The following CCBE1 variants were observed in gnomAD, a reference collection of about 807,000 sequenced individuals.
CCBE1 encodes collagen and calcium-binding EGF domain-containing protein 1.
Under a neutral mutation model 50.0 loss-of-function variants are expected in CCBE1, and 37 were observed. That is an observed-to-expected ratio of 0.74 (90% CI 0.57 to 0.97). The LOEUF is 0.97. Among genes scored for constraint, CCBE1 ranks in the 50% least tolerant of loss-of-function variants. CCBE1 has a pLI of 0.00. For missense variants in CCBE1, 538 were observed against 523.8 expected, an observed-to-expected ratio of 1.03 and a Z score of -0.26; for synonymous variants, 234 against 203.7, an observed-to-expected ratio of 1.15 and a Z score of -1.27.
chr18:59,455,356 G>C (rs1911141760), intron 5 of CCBE1: 1 of 343,380 alleles, frequency 2.9e-6, no homozygotes, highest in South Asian at 2.3e-5. Context: ...GCAGGCACTG[G>C]GCCTCAAAGC....
chr18:59,518,902 C>T (rs1365412310), intron 2 of CCBE1, among the ~76,000 whole-genome samples: 1 of 152,156 alleles, frequency 6.6e-6, no homozygotes, highest in Admixed American at 6.5e-5. Flanking sequence ...ACTGACAGCT[C>T]CCTTGCCCCA....
intron 2 of CCBE1, among the ~76,000 whole-genome samples, chr18:59,649,723 C>G (rs550964612): frequency 6.6e-6 from 1 of 152,350 alleles, no homozygotes; most frequent in Admixed American, 6.5e-5. Context: ...AACCTATGCC[C>G]TTTTCATTCC....
At chr18:59,464,442 A>G (rs1215507001) in intron 5 of CCBE1, among the ~76,000 whole-genome samples, 1 of 152,192 alleles carries the variant, frequency 6.6e-6, no homozygotes, top group Non-Finnish European at 1.5e-5. Flanking sequence ...TCTCAAAAAC[A>G]AAACAAAACA....
chr18:59,516,739 T>C (rs1459168545), intron 2 of CCBE1, among the ~76,000 whole-genome samples: 1 of 152,170 alleles, frequency 6.6e-6, no homozygotes, highest in Non-Finnish European at 1.5e-5. Context: ...GACTTCAGAC[T>C]CTTGGAAGGC....
chr18:59,564,159 C>T (rs1184791677), intron 2 of CCBE1: 1 of 152,196 alleles, frequency 6.6e-6, no homozygotes, highest in African/African-American at 2.4e-5. Flanking sequence ...CCTCTTAACT[C>T]TAAAACTTTC....
intron 2 of CCBE1, among the ~76,000 whole-genome samples, chr18:59,650,010 G>A (rs1204611579): frequency 6.6e-6 from 1 of 152,020 alleles, no homozygotes; most frequent in East Asian, 1.9e-4. Flanking sequence ...TTGGGGGTGG[G>A]GGAGCACAGG....
chr18:59,492,007 T>C (rs1216086669), intron 2 of CCBE1, among the ~76,000 whole-genome samples: 2 of 151,752 alleles, frequency 1.3e-5, no homozygotes, highest in Non-Finnish European at 2.9e-5. Flanking sequence ...TAGCCAGGTA[T>C]GGTGGCATGT....
At chr18:59,673,927 G>C (rs2144715403) in intron 2 of CCBE1, among the ~76,000 whole-genome samples, 1 of 152,246 alleles carries the variant, frequency 6.6e-6, no homozygotes, top group Middle Eastern at 3.4e-3. Context: ...TCTCTGCCAG[G>C]TTTTGGTATC....
rs769574856 is a variant in CCBE1, at chr18:59,438,146, C to T, written c.952G>A (p.Gly318Arg). The change falls in exon 10 of 11, where the codon GGG becomes AGG. Residue 318 changes from glycine to arginine, a missense_variant and splice_region_variant. Physicochemically the swap from Gly to Arg is moderately radical, Grantham distance 125 (BLOSUM62 -2). Coordinates refer to ENST00000439986, the MANE Select transcript of CCBE1 (RefSeq NM_133459.4). ...CTGGGCCCAGGCGCTCCTCTCTCCC[C>T]CTAAAAACAGAAAGGCCAGGGTTAG... ...PGAPGRDGSK[G>R]ERGAPGPRGS... 6.2e-6 allele frequency: 10 copies of T among 1,614,090 alleles called. No homozygotes were observed. Among genetic ancestry groups the T allele is most frequent in the Non-Finnish European group, 8.5e-6 (10 of 1,179,998 alleles).
intron 2 of CCBE1, among the ~76,000 whole-genome samples, chr18:59,596,011 C>A (rs1051960374): frequency 6.6e-6 from 1 of 152,210 alleles, no homozygotes; most frequent in African/African-American, 2.4e-5. Context: ...ACAAGGTGCT[C>A]CACATGGTAG....
At chr18:59,570,219 G>GA (rs1190010699) in intron 2 of CCBE1, among the ~76,000 whole-genome samples, 3 of 152,162 alleles carry the variant, frequency 2.0e-5, no homozygotes, top group African/African-American at 7.2e-5. Context: ...AATTAAGTAG[G>GA]AAGCTGCACA....
chr18:59,620,730 A>G (rs549366992), intron 2 of CCBE1, among the ~76,000 whole-genome samples: 2 of 152,256 alleles, frequency 1.3e-5, no homozygotes, highest in African/African-American at 4.8e-5. Flanking sequence ...GCCATATAAG[A>G]CATCCCTTTG....
At chr18:59,526,982 C>T (rs1409385443) in intron 2 of CCBE1, among the ~76,000 whole-genome samples, 2 of 152,248 alleles carry the variant, frequency 1.3e-5, no homozygotes, top group East Asian at 3.9e-4. Flanking sequence ...AATGCATATT[C>T]TATTGTTATG....
intron 2 of CCBE1, among the ~76,000 whole-genome samples, chr18:59,555,600 C>T (rs770370017): frequency 4.6e-5 from 7 of 152,162 alleles, no homozygotes; most frequent in African/African-American, 7.2e-5. Flanking sequence ...CTGCTCAGAA[C>T]GTGCAGAAGT....
At chr18:59,665,422 A>G (rs987533976) in intron 2 of CCBE1, among the ~76,000 whole-genome samples, 1 of 152,194 alleles carries the variant, frequency 6.6e-6, no homozygotes, top group African/African-American at 2.4e-5. Flanking sequence ...TTTTTATCCC[A>G]TTTAAAAATA....
chr18:59,581,560 C>A (rs1214673779), intron 2 of CCBE1, among the ~76,000 whole-genome samples: 1 of 152,156 alleles, frequency 6.6e-6, no homozygotes, highest in Non-Finnish European at 1.5e-5. Flanking sequence ...AAAGCACATT[C>A]TCATCTTCCA....
chr18:59,439,892 C>T, intron 7 of CCBE1, 76 bp from the exon 8 acceptor site: 1 of 1,505,888 alleles, frequency 6.6e-7, no homozygotes, highest in Non-Finnish European at 9.1e-7. Context: ...GAGTCCAGGA[C>T]CCCTGCAGCC....
chr18:59,514,245 C>T (rs1914263240), intron 2 of CCBE1, among the ~76,000 whole-genome samples: 1 of 152,148 alleles, frequency 6.6e-6, no homozygotes, highest in South Asian at 2.1e-4. Context: ...AGATGCTGGA[C>T]CTGAATCTTT....
At chr18:59,453,654 T>A (rs1270162712) in intron 6 of CCBE1, among the ~76,000 whole-genome samples, 1 of 152,150 alleles carries the variant, frequency 6.6e-6, no homozygotes, top group Non-Finnish European at 1.5e-5. Context: ...AGATACCATC[T>A]CAGGCTTACT....
Sources: gnomAD v4.1 joint callset for allele counts (sites outside exome capture counted in the v4.1 genomes callset) on GRCh38, gnomAD v4.1.1 for gene constraint, MANE v1.5 for transcripts, NCBI Gene and HGNC (gene_info 2026-07-23, HGNC 2026-07-21) for gene names.